ZMYND11: variants seen among roughly 807,000 people sequenced by gnomAD.
ZMYND11 encodes the protein zinc finger MYND-type containing 11.
A neutral mutation model predicts 84.9 loss-of-function variants in ZMYND11; 9 were observed. That is an observed-to-expected ratio of 0.11 (90% CI 0.06 to 0.18). The LOEUF (loss-of-function observed/expected upper bound fraction) is 0.18. ZMYND11 is among the 10% of genes least tolerant of loss of function. The pLI, the probability that ZMYND11 is intolerant of heterozygous loss-of-function variation, is 1.00. For missense variants in ZMYND11, 409 were observed against 761.0 expected (o/e 0.54, Z 5.44); for synonymous variants, 250 against 244.1 (o/e 1.02, Z -0.23).
chr10:203,395 T>TA (rs1420901266), intron 2 of ZMYND11, among the ~76,000 whole-genome samples: 1 of 152,022 alleles, frequency 6.6e-6, no homozygotes, highest in Admixed American at 6.6e-5. Flanking sequence ...ACCCAAAAGA[T>TA]ATGTACAAAT....
chr10:153,865 A>T (rs1234157190), intron 1 of ZMYND11, among the ~76,000 whole-genome samples: 1 of 152,222 alleles, frequency 6.6e-6, no homozygotes, highest in African/African-American at 2.4e-5. Flanking sequence ...AGCAAATATT[A>T]AAAAATTTCT....
intron 1 of ZMYND11, among the ~76,000 whole-genome samples, chr10:139,546 C>T (rs536353722): frequency 1.3e-5 from 2 of 152,196 alleles, no homozygotes; most frequent in Non-Finnish European, 2.9e-5. Context: ...GTTTTGTCTT[C>T]TCTTAGTCTC....
At chr10:136,366 C>T (rs1383201498) in intron 1 of ZMYND11, among the ~76,000 whole-genome samples, 1 of 152,176 alleles carries the variant, frequency 6.6e-6, no homozygotes, top group African/African-American at 2.4e-5. Flanking sequence ...ACCGCCGTAC[C>T]TGTTTTATTC....
chr10:203,830 T>G (rs1278298476), intron 2 of ZMYND11, among the ~76,000 whole-genome samples: 1 of 152,188 alleles, frequency 6.6e-6, no homozygotes, highest in Non-Finnish European at 1.5e-5. Context: ...TAGAACTCTT[T>G]TGTGCACATC....
chr10:155,339 A>G (rs1465526001), intron 1 of ZMYND11, among the ~76,000 whole-genome samples: 5 of 152,172 alleles, frequency 3.3e-5, no homozygotes, highest in African/African-American at 1.2e-4. Context: ...CCAAAGGATA[A>G]TATTCTTATG....
At chr10:156,333 G>A (rs1253436597) in intron 1 of ZMYND11, among the ~76,000 whole-genome samples, 6 of 152,162 alleles carry the variant, frequency 3.9e-5, no homozygotes, top group Non-Finnish European at 8.8e-5. Context: ...TTTATACTCT[G>A]TTTAAGCAGA....
intron 2 of ZMYND11, among the ~76,000 whole-genome samples, chr10:199,322 C>CCTCT (rs1230350441): frequency 1.3e-5 from 2 of 148,186 alleles, no homozygotes; most frequent in Non-Finnish European, 3.0e-5. Context: ...TCCCTCCCTC[C>CCTCT]CTCCCTCTCT....
intron 14 of ZMYND11, among the ~76,000 whole-genome samples, chr10:250,117 G>A (rs1015489260): frequency 3.3e-5 from 5 of 152,180 alleles, no homozygotes; most frequent in African/African-American, 4.8e-5. Context: ...ACTGCTGCTC[G>A]TAAGGTTTTG....
rs945726535 is a variant in ZMYND11, at chr10:242,039, G to A, written c.850G>A (p.Val284Ile). Residue 284 changes from valine to isoleucine, a missense_variant, in exon 10 of 15, where the codon GTT becomes ATT. Physicochemically the swap from Val to Ile is conservative, Grantham distance 29. Coordinates refer to ENST00000381604, the MANE Select transcript of ZMYND11 (RefSeq NM_001370100.5). Reference sequence around the variant, plus strand: ...TTTCCAGATACCTAATCATGAGCTGGTTTGGGCTAAAATGAAAGGTTTTGG... The same window carrying A: ...TTTCCAGATACCTAATCATGAGCTGATTTGGGCTAAAATGAAAGGTTTTGG... Reference protein sequence around the residue: ...CYPCIPNHELVWAKMKGFGFW... With the variant: ...CYPCIPNHELIWAKMKGFGFW... 2 of 1,613,894 alleles carry A rather than the reference G, an allele frequency of 1.2e-6. No homozygotes were observed. The highest frequency in any genetic ancestry group is 1.7e-6 in the Non-Finnish European group (2 of 1,179,988).
chr10:211,443 AAGTTTG>A (rs1945211815), intron 3 of ZMYND11, among the ~76,000 whole-genome samples: 3 of 152,274 alleles, frequency 2.0e-5, no homozygotes, highest in African/African-American at 7.2e-5. Context: ...ATTTTCCAAA[AAGTTTG>A]AGTTTATTTT....
At chr10:171,863 T>C (rs1278217263) in intron 1 of ZMYND11, among the ~76,000 whole-genome samples, 1 of 152,210 alleles carries the variant, frequency 6.6e-6, no homozygotes, top group Non-Finnish European at 1.5e-5. Context: ...CAATGTCATA[T>C]AGGAAGTCCT....
At chr10:195,284 A>G (rs1941462355) in intron 2 of ZMYND11, among the ~76,000 whole-genome samples, 1 of 152,250 alleles carries the variant, frequency 6.6e-6, no homozygotes, top group Admixed American at 6.5e-5. Flanking sequence ...CAGGCAGAAA[A>G]AAATGATCTC....
intron 12 of ZMYND11, among the ~76,000 whole-genome samples, chr10:247,700 G>C (rs1352183479): frequency 6.6e-6 from 1 of 152,136 alleles, no homozygotes; most frequent in Non-Finnish European, 1.5e-5. Context: ...TAATTAAGCA[G>C]CCGCTGACCA....
chr10:145,476 G>A (rs1193953853), intron 1 of ZMYND11, among the ~76,000 whole-genome samples: 3 of 152,146 alleles, frequency 2.0e-5, no homozygotes, highest in South Asian at 2.1e-4. Flanking sequence ...CGTCCGTGCC[G>A]TTTTCTGTAG....
At chr10:201,005 G>A (rs1943045869) in intron 2 of ZMYND11, among the ~76,000 whole-genome samples, 1 of 151,846 alleles carries the variant, frequency 6.6e-6, no homozygotes, top group Admixed American at 6.6e-5. Context: ...CAGGTATTTT[G>A]CATCTCCTCC....
At chr10:159,130 C>T (rs9329279) in intron 1 of ZMYND11, among the ~76,000 whole-genome samples, 132,076 of 144,876 alleles carry the variant, frequency 0.91, 60,587 homozygotes, top group Non-Finnish European at 0.97. Context: ...TTTTTTTTTT[C>T]TTAATAGCTG....
chr10:245,592 C>T (rs533809688), intron 10 of ZMYND11, among the ~76,000 whole-genome samples: 12 of 152,286 alleles, frequency 7.9e-5, no homozygotes, highest in Admixed American at 2.6e-4. Flanking sequence ...GTTACTCATG[C>T]ATCCATACAG....
At chr10:132,607 C>T (rs192068963), upstream of ZMYND11, among the ~76,000 whole-genome samples, 545 of 152,300 alleles carry the variant, frequency 3.6e-3, 3 homozygotes, top group African/African-American at 0.013. Flanking sequence ...ATTACAGTTA[C>T]AGTTAACATT....
chr10:208,069 G>A (rs1944507285), intron 2 of ZMYND11, among the ~76,000 whole-genome samples: 1 of 152,138 alleles, frequency 6.6e-6, no homozygotes, highest in Non-Finnish European at 1.5e-5. Flanking sequence ...TTTAATAAAT[G>A]GTGCTGGGAA....
Sources: allele counts gnomAD v4.1 joint callset (sites outside exome capture counted in the v4.1 genomes callset), GRCh38; gene constraint gnomAD v4.1.1; transcripts MANE v1.5; gene names NCBI Gene and HGNC (gene_info 2026-07-23, HGNC 2026-07-21).